Variants in PARD3 observed in about 807,000 individuals in gnomAD.
PARD3 encodes the protein partitioning defective 3 homolog.
A neutral mutation model predicts 155.4 loss-of-function variants in PARD3; 75 were observed. That is an observed-to-expected ratio of 0.48 (90% CI 0.40 to 0.58). The LOEUF (loss-of-function observed/expected upper bound fraction) is 0.58. PARD3 is among the 20% of genes least tolerant of loss of function. The pLI is 0.00. For missense variants in PARD3, 1,642 were observed against 1,721.7 expected (o/e 0.95, Z 0.82); for synonymous variants, 576 against 610.5 (o/e 0.94, Z 0.83).
intron 1 of PARD3, among the ~76,000 whole-genome samples, chr10:34,746,049 C>G (rs1341345695): frequency 6.6e-6 from 1 of 152,046 alleles, no homozygotes; most frequent in East Asian, 1.9e-4. Flanking sequence ...CTGCAGTGAG[C>G]CTAGATCGCA....
chr10:34,224,884 A>T (rs1464544892), intron 22 of PARD3, among the ~76,000 whole-genome samples: 2 of 152,194 alleles, frequency 1.3e-5, no homozygotes. Context: ...AAAAAGCTAC[A>T]AAGCAGTCTA....
At chr10:34,803,210 G>A (rs2134350443) in intron 1 of PARD3, among the ~76,000 whole-genome samples, 2 of 150,132 alleles carry the variant, frequency 1.3e-5, no homozygotes, top group South Asian at 4.2e-4. Context: ...CTGCACTCCA[G>A]CCTGGGCAAC....
intron 12 of PARD3, among the ~76,000 whole-genome samples, chr10:34,360,491 T>C (rs1011814194): frequency 6.6e-6 from 1 of 152,034 alleles, no homozygotes; most frequent in Non-Finnish European, 1.5e-5. Flanking sequence ...CAAACTTAAA[T>C]CAGATTTGAG....
chr10:34,376,533 C>T (rs1408643764), intron 10 of PARD3, among the ~76,000 whole-genome samples: 1 of 152,116 alleles, frequency 6.6e-6, no homozygotes. Context: ...CAATTTATAA[C>T]CCCAGGACAA....
At chr10:34,349,580 T>TAAAAAAAAAAAAAAAAAAAAAAAAAAA in intron 14 of PARD3, among the ~76,000 whole-genome samples, 1 of 44,708 alleles carries the variant, frequency 2.2e-5, no homozygotes, top group Non-Finnish European at 3.6e-5. Flanking sequence ...TCTGGGAAAG[T>TAAAAAAAAAAAAAAAAAAAAAAAAAAA]AAAAAAAAAA....
At chr10:34,522,259 A>C (rs2082193015) in intron 2 of PARD3, among the ~76,000 whole-genome samples, 1 of 152,152 alleles carries the variant, frequency 6.6e-6, no homozygotes, top group Admixed American at 6.6e-5. Context: ...GAAGACAAAC[A>C]AAGGGAGTCA....
At chr10:34,324,871 T>G (rs919116189) in intron 19 of PARD3, among the ~76,000 whole-genome samples, 1 of 152,160 alleles carries the variant, frequency 6.6e-6, no homozygotes, top group East Asian at 1.9e-4. Context: ...TGGATGATTG[T>G]ACTACTATCA....
chr10:34,504,371 C>T (rs1017257900), intron 3 of PARD3, among the ~76,000 whole-genome samples: 14 of 150,074 alleles, frequency 9.3e-5, no homozygotes, highest in Non-Finnish European at 1.6e-4. Flanking sequence ...GGTCCTCCCA[C>T]GTCTGCCTCC....
chr10:34,124,094 C>T (rs758199726), intron 23 of PARD3, among the ~76,000 whole-genome samples: 29 of 152,118 alleles, frequency 1.9e-4, no homozygotes, highest in Non-Finnish European at 4.1e-4. Flanking sequence ...TATATCCACA[C>T]ACATATGTAA....
chr10:34,120,157 C>T (rs1406730525), intron 23 of PARD3, among the ~76,000 whole-genome samples: 2 of 148,102 alleles, frequency 1.4e-5, no homozygotes, highest in South Asian at 2.1e-4. Flanking sequence ...ACCGGGATTA[C>T]AAGCACAGGC....
chr10:34,193,251 T>C (rs1273243441), intron 22 of PARD3, among the ~76,000 whole-genome samples: 2 of 152,214 alleles, frequency 1.3e-5, no homozygotes, highest in Admixed American at 6.5e-5. Context: ...TTCATTTACA[T>C]ACAATTTGCA....
chr10:34,556,197 T>C (rs1475228979), intron 2 of PARD3, among the ~76,000 whole-genome samples: 2 of 152,202 alleles, frequency 1.3e-5, no homozygotes, highest in Non-Finnish European at 2.9e-5. Flanking sequence ...TCGATGCTGG[T>C]TGAGGTTATG....
intron 2 of PARD3, among the ~76,000 whole-genome samples, chr10:34,684,836 T>TAC (rs377706005): frequency 0.33 from 44,866 of 134,834 alleles, 7,991 homozygotes; most frequent in Non-Finnish European, 0.4. Context: ...CACACATATA[T>TAC]ACACACACAC....
At chr10:34,457,353 C>G (rs923367941) in intron 4 of PARD3, among the ~76,000 whole-genome samples, 1 of 152,144 alleles carries the variant, frequency 6.6e-6, no homozygotes, top group Non-Finnish European at 1.5e-5. Context: ...CCAGGATGCT[C>G]GTTTGAACCA....
In PARD3 at chr10:34,771,827, T is replaced by A. The variant is rs553242983; in HGVS notation, c.120+43049A>T. 2.0e-5 allele frequency among the ~76,000 whole-genome samples: 3 copies of A among 152,312 alleles called. No individual in the cohort carries two copies. In the South Asian group the frequency reaches 6.2e-4, roughly 32 times the overall value. On this transcript the variant is annotated intron_variant, in intron 1 of 24. Transcript: ENST00000374788. ...AGTTTTTCAACAGAGTGAGCTCAGATCTTGTATTCTGGAGCTTCAGAGGAA... is the reference window on the plus strand; with the variant it reads ...AGTTTTTCAACAGAGTGAGCTCAGAACTTGTATTCTGGAGCTTCAGAGGAA...
At chr10:34,441,371 G>A (rs1259518822) in intron 5 of PARD3, among the ~76,000 whole-genome samples, 1 of 152,134 alleles carries the variant, frequency 6.6e-6, no homozygotes, top group Non-Finnish European at 1.5e-5. Flanking sequence ...GTTAACATCT[G>A]CCAAATGGGT....
chr10:34,517,150 C>T lies in PARD3; in HGVS notation c.232G>A (p.Val78Met). The T allele has an allele frequency of 1.9e-6, 3 of 1,613,012 alleles. No homozygotes were observed. Among genetic ancestry groups the T allele is most frequent in the Non-Finnish European group, 2.5e-6 (3 of 1,179,562 alleles). The change falls in exon 3 of 25, where the codon GTG becomes ATG. Residue 78 changes from valine (V) to methionine (M), a missense_variant. Transcript: ENST00000374788. ...VADDKDRLVA[V>M]FDEQDPHHGG... is the part of the protein sequence containing the mutation. ...TGATGTGGATCCTGCTCATCAAACACTGCTACCAGCTAGAAATGAAAGGTA... is the reference window on the plus strand; with the variant it reads ...TGATGTGGATCCTGCTCATCAAACATTGCTACCAGCTAGAAATGAAAGGTA...
intron 2 of PARD3, among the ~76,000 whole-genome samples, chr10:34,550,495 G>A (rs2084458458): frequency 1.3e-5 from 2 of 152,244 alleles, no homozygotes; most frequent in South Asian, 4.2e-4. Context: ...TTACAGGCAT[G>A]AGCCATCTCG....
intron 22 of PARD3, among the ~76,000 whole-genome samples, chr10:34,242,389 T>C (rs556786495): frequency 2.0e-5 from 3 of 152,138 alleles, no homozygotes; most frequent in African/African-American, 7.2e-5. Flanking sequence ...CCATATCACA[T>C]GTGAGAGGAC....
Sources: allele counts gnomAD v4.1 joint callset (sites outside exome capture counted in the v4.1 genomes callset), GRCh38; gene constraint gnomAD v4.1.1; transcripts MANE v1.5; gene names NCBI Gene and HGNC (gene_info 2026-07-23, HGNC 2026-07-21).